Variants in WIZ observed in about 807,000 individuals in gnomAD.
The protein encoded by WIZ is protein Wiz.
In WIZ, 25 loss-of-function variants were observed where a neutral mutation model predicts 140.2. The observed-to-expected ratio is 0.18, with a 90% CI of 0.13 to 0.25. WIZ has a LOEUF of 0.25. Among genes scored for constraint, WIZ ranks in the 10% least tolerant of loss-of-function variants. The probability of loss-of-function intolerance (pLI) is 1.00; values close to 1 mark genes in which losing one functional copy is unlikely to be tolerated. For synonymous variants in WIZ, 1,125 were observed against 1,154.3 expected (o/e 0.97, Z 0.51); for missense variants, 2,231 against 2,632.6 (o/e 0.85, Z 3.34).
At chr19:15,433,262 G>A in intron 5 of WIZ, 1 of 985,444 alleles carries the variant, frequency 1.0e-6, no homozygotes, top group Non-Finnish European at 1.2e-6. Flanking sequence ...CACAAGGCCG[G>A]CAACACATTT....
In WIZ at chr19:15,428,513, G is replaced by A. The variant is rs867133289; in HGVS notation, c.3416-5C>T. On this transcript the variant is annotated splice_polypyrimidine_tract_variant and splice_region_variant and intron_variant, in intron 7 of 12. Coordinates refer to ENST00000673675, the MANE Select transcript of WIZ (RefSeq NM_001371589.1). The surrounding 1 kb of genome is among the most constrained non-coding windows in gnomAD (Gnocchi z 6.4). The stretch of plus-strand genomic sequence containing the variant: ...TGCCCCCGTCACTATCTAAAGCTGC[G>A]GAGACAAAACACAGGGGGGGTTCAC... 7 of 1,535,320 alleles carry A rather than the reference G, an allele frequency of 4.6e-6. No individual in the cohort carries two copies. The highest frequency in any genetic ancestry group is 2.0e-5 in the Admixed American group (1 of 50,964).
chr19:15,423,115 C>A lies in WIZ; in HGVS notation c.5631G>T (p.Gln1877His). ...CCGCCGCTGTCTGTGCCTGCGGGGC[C>A]TGGGACTCCTCAGGTGGGGGGTCCG... ...SKADPPPEES[Q>H]APQAQTAAAE... The change falls in exon 13 of 13, where the codon CAG becomes CAT. Residue 1877 changes from glutamine (Q) to histidine (H), a missense_variant. Transcript: ENST00000673675. 6.2e-7 allele frequency: 1 copy of A among 1,612,464 alleles called. No homozygotes were observed. Among genetic ancestry groups the A allele is most frequent in the Non-Finnish European group, 8.5e-7 (1 of 1,179,820 alleles).
chr19:15,427,242 A>G lies in WIZ; in HGVS notation c.4106T>C (p.Leu1369Pro). The G allele has an allele frequency of 6.2e-7, 1 of 1,613,956 alleles. No individual in the cohort carries two copies. Among genetic ancestry groups the G allele is most frequent in the Non-Finnish European group, 8.5e-7 (1 of 1,180,016 alleles). Residue 1369 changes from leucine to proline, a missense_variant, in exon 9 of 13, where the codon CTT becomes CCT. This residue lies in a region of WIZ where 393 missense variants were observed against 451.7 expected (regional missense o/e 0.87). Transcript: ENST00000673675. The surrounding 1 kb of genome is among the most constrained non-coding windows in gnomAD (Gnocchi z 6.4). ...CTTCTTGGCCAAGGGTGAGATGTGA[A>G]GGTCCGAGGGGCTGCGGGCTTCCAG... The part of the protein sequence containing the change: ...SSLEARSPSD[L>P]HISPLAKKLP...
intron 3 of WIZ, among the ~76,000 whole-genome samples, chr19:15,441,297 G>C (rs1175349813): frequency 6.6e-6 from 1 of 152,168 alleles, no homozygotes; most frequent in African/African-American, 2.4e-5. Context: ...CTTGGGCAGA[G>C]GGGTGGGAGT....
chr19:15,424,077 C>T lies in WIZ; in HGVS notation c.5510+106G>A. On this transcript the variant is annotated intron_variant, in intron 12 of 12. Transcript: ENST00000673675. This position sits in a 1 kb window ranked among gnomAD's most constrained non-coding sequence, Gnocchi z 9.7. ...GCCCCACCACACCCAAGGGCAGCCA[C>T]TGAGGCGACACCTCCCAGCTTCCAC... 1.8e-6 allele frequency: 2 copies of T among 1,111,608 alleles called. No individual in the cohort carries two copies. Among genetic ancestry groups the T allele is most frequent in the Non-Finnish European group, 2.4e-6 (2 of 817,834 alleles). The allele number at this position is 1,111,608 out of a possible 1,614,324, so 68.9% of individuals were successfully genotyped here.
rs1429247926 is a variant in WIZ, at chr19:15,428,008, CCT to C, written c.3814+100_3814+101del. On this transcript the variant is annotated intron_variant, in intron 8 of 12. Transcript: ENST00000673675. This position sits in a 1 kb window ranked among gnomAD's most constrained non-coding sequence, Gnocchi z 6.4. Reference sequence around the variant, plus strand: ...CAGAACCGGCCCACTGCCAAGGGCCCCTGTCTACTCCCTGCCCCAGCAGGGAG... The same window carrying C: ...CAGAACCGGCCCACTGCCAAGGGCCCGTCTACTCCCTGCCCCAGCAGGGAG... The C allele has an allele frequency of 1.6e-5, 23 of 1,454,914 alleles. No individual in the cohort carries two copies. The highest frequency in any genetic ancestry group is 8.6e-5 in the African/African-American group (6 of 69,948). 90.1% of individuals were successfully genotyped at this position (1,454,914 alleles called of 1,614,324 possible). A position where few individuals can be genotyped will look rare whatever the true frequency, so the allele number is the denominator to read the frequency against.
chr19:15,431,486 G>C (rs1030452283), intron 5 of WIZ, among the ~76,000 whole-genome samples: 3 of 152,202 alleles, frequency 2.0e-5, no homozygotes, highest in Non-Finnish European at 4.4e-5. Flanking sequence ...GATCTCTCTG[G>C]GCAGAACTTG....
chr19:15,434,352 G>A (rs920301266), intron 5 of WIZ, among the ~76,000 whole-genome samples: 1 of 151,388 alleles, frequency 6.6e-6, no homozygotes, highest in Non-Finnish European at 1.5e-5. Flanking sequence ...ACAAGGTCAG[G>A]AGATCGAGAC....
In WIZ at chr19:15,433,628, C is replaced by T. The variant is rs78726047; in HGVS notation, c.2741-2446G>A. Among the ~76,000 whole-genome samples, 50 of 152,312 alleles carry T rather than the reference C, an allele frequency of 3.3e-4. No individual in the cohort carries two copies. The East Asian group carries it at 9.7e-3, about 29-fold the overall frequency. On this transcript the variant is annotated intron_variant, in intron 5 of 12. Coordinates refer to ENST00000673675, the MANE Select transcript of WIZ (RefSeq NM_001371589.1). ...TCATCCGTAGGCTGATTCCTTATAC[C>T]CCAGTGCCTCCTGCACCCCTAGCCA...
At chr19:15,449,744 C>G (rs1970061417) in intron 1 of WIZ, 54 bp downstream of exon 1, 1 of 145,988 alleles carries the variant, frequency 6.8e-6, no homozygotes, top group Non-Finnish European at 1.5e-5. Flanking sequence ...GCCTCCCCCG[C>G]CCCGCTACGG....
Position 15,430,107 on chromosome 19 carries a change from G to A in WIZ, c.2912-18C>T. On this transcript the variant is annotated intron_variant, in intron 6 of 12. Transcript: ENST00000673675. ...GCTCTGGGCTGAAGGGCAACACAGA[G>A]GCCGGGAGAGCAGGCTGTGAGGCCC... is the stretch of plus-strand genomic sequence containing the variant. 6.7e-7 allele frequency: 1 copy of A among 1,498,590 alleles called. No homozygotes were observed. Among genetic ancestry groups the A allele is most frequent in the Non-Finnish European group, 8.9e-7 (1 of 1,124,158 alleles). 92.8% of individuals were successfully genotyped at this position (1,498,590 alleles called of 1,614,324 possible).
chr19:15,424,681 T>C lies in WIZ; in HGVS notation c.5246A>G (p.Glu1749Gly), dbSNP rs1259303764. The C allele has an allele frequency of 1.7e-5, 27 of 1,588,420 alleles. No homozygotes were observed. Among genetic ancestry groups the C allele is most frequent in the Non-Finnish European group, 2.3e-5 (27 of 1,175,976 alleles). ...TGGCGGGCTGGCTGCCAGAGGCCGCTCACCACCGTCGGCTGCCCGGCCAGC... is the reference window on the plus strand; with the variant it reads ...TGGCGGGCTGGCTGCCAGAGGCCGCCCACCACCGTCGGCTGCCCGGCCAGC... ...PEAGRAADGG[E>G]RPLAASPPGT... The change falls in exon 11 of 13, where the codon GAG becomes GGG. Residue 1749 changes from glutamate (E) to glycine (G), a missense_variant. Physicochemically the swap from Glu to Gly is moderately conservative, Grantham distance 98. This residue lies in a region of WIZ where 299 missense variants were observed against 309.6 expected (regional missense o/e 0.97). Transcript: ENST00000673675. The surrounding 1 kb of genome is among the most constrained non-coding windows in gnomAD (Gnocchi z 9.7).
Position 15,427,969 on chromosome 19 carries a change from A to G in WIZ, c.3814+141T>C. ...GAGAGGGCCTAGCAGCCCACTGCCAACAAGATCTCTGGGCAGAACCGGCCC... is the reference window on the plus strand; with the variant it reads ...GAGAGGGCCTAGCAGCCCACTGCCAGCAAGATCTCTGGGCAGAACCGGCCC... On this transcript the variant is annotated intron_variant, in intron 8 of 12. Transcript: ENST00000673675. The surrounding 1 kb of genome is among the most constrained non-coding windows in gnomAD (Gnocchi z 6.4). 7.9e-7 allele frequency: 1 copy of G among 1,273,080 alleles called. No homozygotes were observed. Among genetic ancestry groups the G allele is most frequent in the East Asian group, 2.5e-5 (1 of 39,296 alleles). 78.9% of individuals were successfully genotyped at this position (1,273,080 alleles called of 1,614,324 possible).
chr19:15,429,626 T>C lies in WIZ; in HGVS notation c.3375A>G (p.Ala1125=), dbSNP rs903686865. 1.4e-5 allele frequency: 20 copies of C among 1,415,470 alleles called. No homozygotes were observed. The African/African-American group carries it at 2.5e-4, about 17-fold the overall frequency. The allele number at this position is 1,415,470 out of a possible 1,614,324, so 87.7% of individuals were successfully genotyped here. A position where few individuals can be genotyped will look rare whatever the true frequency, so the allele number is the denominator to read the frequency against. The change falls in exon 7 of 13, where the codon GCA becomes GCG. Residue 1125 remains alanine (A), a synonymous_variant. Transcript: ENST00000673675. The part of the protein sequence containing the change: ...SLSPRPASPK[A]QWPQSEDEGP... ...CCTCATCCTCAGACTGAGGCCACTG[T>C]GCCTTTGGGGAGGCCGGCCGGGGGC...
In WIZ at chr19:15,425,402, G is replaced by T; in HGVS notation, c.4733C>A (p.Thr1578Asn). The T allele has an allele frequency of 6.4e-7, 1 of 1,557,524 alleles. No individual in the cohort carries two copies. Among genetic ancestry groups the T allele is most frequent in the Non-Finnish European group, 8.7e-7 (1 of 1,150,562 alleles). Residue 1578 changes from threonine (T) to asparagine (N), a missense_variant, in exon 10 of 13, where the codon ACT becomes AAT. By Grantham distance (65) the Thr-to-Asn change is moderately conservative. This residue lies in a region of WIZ where 393 missense variants were observed against 451.7 expected (regional missense o/e 0.87). Transcript: ENST00000673675. ...VPRELSLTPI[T>N]GAKPSATGYL... ...GCCAGTGGCTGAGGGCTTGGCCCCAGTGATGGGCGTCAGGCTGAGCTCACG... is the reference window on the plus strand; with the variant it reads ...GCCAGTGGCTGAGGGCTTGGCCCCATTGATGGGCGTCAGGCTGAGCTCACG...
intron 9 of WIZ, among the ~76,000 whole-genome samples, chr19:15,426,361 TGACA>T (rs1177928362): frequency 6.6e-6 from 1 of 152,148 alleles, no homozygotes; most frequent in Non-Finnish European, 1.5e-5. Flanking sequence ...AGTGCTGGTG[TGACA>T]GGCAAGCGAG....
chr19:15,443,366 C>T (rs1034947150), intron 2 of WIZ, among the ~76,000 whole-genome samples: 5 of 152,318 alleles, frequency 3.3e-5, no homozygotes, highest in African/African-American at 1.2e-4. Flanking sequence ...GCCACTGTGC[C>T]CGGCCTAAAA....
rs1969763173 is a variant in WIZ at position 15,442,002 on chromosome 19, T to G, written c.278+674A>C. ...AGGAGTTCTCGACCAGCCTGACCAA[T>G]ATGGTGAAACCCCATCTCTACTAAA... is the stretch of plus-strand genomic sequence containing the variant. On this transcript the variant is annotated intron_variant, in intron 3 of 12. Coordinates refer to ENST00000673675, the MANE Select transcript of WIZ (RefSeq NM_001371589.1). This position sits in a 1 kb window ranked among gnomAD's most constrained non-coding sequence, Gnocchi z 5.5. 6.6e-6 allele frequency among the ~76,000 whole-genome samples: 1 copy of G among 151,968 alleles called. No individual in the cohort carries two copies. Among genetic ancestry groups the G allele is most frequent in the East Asian group, 1.9e-4 (1 of 5,150 alleles).
At chr19:15,423,365 G>T in intron 12 of WIZ, 130 bp from the exon 13 acceptor site, 1 of 1,159,970 alleles carries the variant, frequency 8.6e-7, no homozygotes, top group African/African-American at 1.5e-5. Context: ...GGCGGGGGAA[G>T]AGGGACCCAG....
Sources: gnomAD v4.1 joint callset for allele counts (sites outside exome capture counted in the v4.1 genomes callset) on GRCh38, gnomAD v4.1.1 for gene constraint, gnomAD v4.1.1 regional missense constraint, Gnocchi (gnomAD v3.1) non-coding constraint, MANE v1.5 for transcripts, NCBI Gene and HGNC (gene_info 2026-07-23, HGNC 2026-07-21) for gene names.